Variants in GNB5 observed in about 807,000 individuals in gnomAD.
GNB5 encodes G protein subunit beta 5, also known as guanine nucleotide-binding protein subunit beta-5.
A neutral mutation model predicts 55.3 loss-of-function variants in GNB5; 37 were observed. The ratio of observed to expected loss-of-function variants is 0.67; its 90% CI spans 0.51 to 0.88. The LOEUF (loss-of-function observed/expected upper bound fraction) is 0.88, where lower values mean the gene tolerates loss of function less well. Among genes scored for constraint, GNB5 ranks in the 40% least tolerant of loss-of-function variants. The pLI, the probability that GNB5 is intolerant of heterozygous loss-of-function variation, is 0.00. For synonymous variants in GNB5, 219 were observed against 198.5 expected, an observed-to-expected ratio of 1.10 and a Z score of -0.87; for missense variants, 476 against 515.3, an observed-to-expected ratio of 0.92 and a Z score of 0.74.
chr15:52,149,757 G>A lies in GNB5; in HGVS notation c.417+127C>T, dbSNP rs554152287. The A allele has an allele frequency of 5.3e-4, 397 of 747,954 alleles. 3 individuals carry two copies. The highest frequency in any genetic ancestry group is 2.7e-3 in the South Asian group (186 of 68,604). 46.3% of individuals were successfully genotyped at this position (747,954 alleles called of 1,614,324 possible). On this transcript the variant is annotated intron_variant, in intron 5 of 12. Coordinates refer to ENST00000261837, the MANE Select transcript of GNB5 (RefSeq NM_016194.4). The stretch of plus-strand genomic sequence containing the variant: ...ATAGGCCTTCTTGGGGTTTCCATCC[G>A]TAGAGGCAACTGCTTGCAGGGATAC...
chr15:52,185,753 TTTATTATTATTATTATTATTA>T (rs9302164), intron 1 of GNB5, among the ~76,000 whole-genome samples: 3 of 136,724 alleles, frequency 2.2e-5, no homozygotes, highest in African/African-American at 8.1e-5. Flanking sequence ...TATTCATCTT[TTTATTATTATTATTATTATTA>T]TTATTATTAT....
At chr15:52,174,757 G>A (rs2034618356) in intron 3 of GNB5, among the ~76,000 whole-genome samples, 1 of 152,122 alleles carries the variant, frequency 6.6e-6, no homozygotes, top group Non-Finnish European at 1.5e-5. Flanking sequence ...GGGCCGCAGG[G>A]TCTCCTGGGG....
chr15:52,179,668 C>T, intron 3 of GNB5, 100 bp downstream of exon 3: 1 of 680,940 alleles, frequency 1.5e-6, no homozygotes, highest in Non-Finnish European at 2.0e-6. Context: ...GGGCCTGGCT[C>T]CCGTCGCAGC....
chr15:52,163,731 C>T (rs1280354718), intron 3 of GNB5, among the ~76,000 whole-genome samples: 3 of 152,214 alleles, frequency 2.0e-5, no homozygotes, highest in East Asian at 3.9e-4. Flanking sequence ...AGGGGGCAGC[C>T]AGACTGCTTC....
intron 7 of GNB5, among the ~76,000 whole-genome samples, chr15:52,140,466 C>A (rs2033827324): frequency 6.6e-6 from 1 of 152,222 alleles, no homozygotes; most frequent in Non-Finnish European, 1.5e-5. Context: ...CTGCTCGGAG[C>A]TCCCCAGTTC....
At chr15:52,158,119 C>G (rs111252278) in intron 3 of GNB5, among the ~76,000 whole-genome samples, 2 of 152,002 alleles carry the variant, frequency 1.3e-5, no homozygotes, top group Non-Finnish European at 2.9e-5. Flanking sequence ...TCTAGGAAGA[C>G]AGGAGTGCTG....
chr15:52,128,351 G>T, intron 9 of GNB5, 107 bp from the exon 10 acceptor site: 1 of 760,354 alleles, frequency 1.3e-6, no homozygotes. Flanking sequence ...AGGGACTCAA[G>T]GAACATTTGC....
At chr15:52,174,377 AG>A (rs1347076762) in intron 3 of GNB5, among the ~76,000 whole-genome samples, 1 of 152,204 alleles carries the variant, frequency 6.6e-6, no homozygotes, top group East Asian at 1.9e-4. Context: ...GAATCAAGCG[AG>A]GTAGTACTCG....
intron 3 of GNB5, among the ~76,000 whole-genome samples, chr15:52,173,153 A>G (rs1427453342): frequency 1.3e-5 from 2 of 152,236 alleles, no homozygotes; most frequent in Admixed American, 6.5e-5. Context: ...CCAATCATCA[A>G]TCAGTCAACA....
intron 1 of GNB5, among the ~76,000 whole-genome samples, chr15:52,185,928 G>A (rs1023907929): frequency 6.6e-6 from 1 of 152,006 alleles, no homozygotes; most frequent in Non-Finnish European, 1.5e-5. Context: ...ACAGGCATAA[G>A]ACACCATGCC....
chr15:52,177,104 G>T (rs113516304), intron 3 of GNB5, among the ~76,000 whole-genome samples: 2 of 140,932 alleles, frequency 1.4e-5, no homozygotes, highest in Non-Finnish European at 3.0e-5. Flanking sequence ...GCAAGATCTC[G>T]GCTCACTGCA....
Position 52,117,102 on chromosome 15 carries a change from A to ATATATATATATATATTTTTTT in GNB5, c.*5654_*5655insAAAAAAATATATATATATATA. 2.3e-5 allele frequency: 2 copies of ATATATATATATATATTTTTTT among 87,102 alleles called. No individual in the cohort carries two copies. The highest frequency in any genetic ancestry group is 1.2e-4 in the African/African-American group (2 of 16,420). 5.4% of individuals were successfully genotyped at this position (87,102 alleles called of 1,614,324 possible). A position where few individuals can be genotyped will look rare whatever the true frequency, so the allele number is the denominator to read the frequency against. ...CCACGCCCAGCTAATATATATATAT[A>ATATATATATATATATTTTTTT]TTTTTTTTTAGTACAGACAGGGTTT... On this transcript the variant is annotated 3_prime_UTR_variant, in exon 13 of 13. Transcript: ENST00000261837.
Position 52,119,903 on chromosome 15 carries a change from T to C in GNB5, c.*2854A>G, listed in dbSNP as rs1327146334. 6.6e-6 allele frequency: 1 copy of C among 152,142 alleles called. No individual in the cohort carries two copies. The highest frequency in any genetic ancestry group is 1.5e-5 in the Non-Finnish European group (1 of 68,034). The allele number at this position is 152,142 out of a possible 1,614,324, so 9.4% of individuals were successfully genotyped here. A position where few individuals can be genotyped will look rare whatever the true frequency, so the allele number is the denominator to read the frequency against. On this transcript the variant is annotated 3_prime_UTR_variant, in exon 13 of 13. Coordinates refer to ENST00000261837, the MANE Select transcript of GNB5 (RefSeq NM_016194.4). ...ACCCTGTGCTGTTTTAAGCCACTTA[T>C]AACCTAGAGAAGGGTGCAAAGGAGG... is the stretch of plus-strand genomic sequence containing the variant.
At chr15:52,157,614 A>G (rs17540734) in intron 3 of GNB5, among the ~76,000 whole-genome samples, 3,511 of 152,188 alleles carry the variant, frequency 0.023, 62 homozygotes, top group Middle Eastern at 0.051. Context: ...TTTTACTTAG[A>G]AATTTTACAT....
chr15:52,178,713 C>T (rs1219161378), intron 3 of GNB5, among the ~76,000 whole-genome samples: 3 of 152,192 alleles, frequency 2.0e-5, no homozygotes, highest in Non-Finnish European at 4.4e-5. Context: ...CCTAGGAAAG[C>T]ACAGCACACG....
At chr15:52,175,768 C>T (rs989112638) in intron 3 of GNB5, among the ~76,000 whole-genome samples, 2 of 99,414 alleles carry the variant, frequency 2.0e-5, no homozygotes, top group Non-Finnish European at 4.5e-5. Flanking sequence ...AAACAAAAAA[C>T]GGCCAGGCGC....
chr15:52,163,545 C>T (rs1418204174), intron 3 of GNB5, among the ~76,000 whole-genome samples: 2 of 152,340 alleles, frequency 1.3e-5, no homozygotes, highest in Non-Finnish European at 2.9e-5. Context: ...CCATCCTGGC[C>T]TGCCAGCTCC....
chr15:52,135,156 C>T (rs1428007792), intron 8 of GNB5, among the ~76,000 whole-genome samples: 1 of 151,908 alleles, frequency 6.6e-6, no homozygotes, highest in African/African-American at 2.4e-5. Flanking sequence ...AGGAGAGTGC[C>T]CCACAGGCCT....
At chr15:52,128,270 C>T (rs780830470) in intron 9 of GNB5, 26 bp from the exon 10 acceptor site, 36 of 1,531,666 alleles carry the variant, frequency 2.4e-5, no homozygotes, top group East Asian at 2.0e-4. Flanking sequence ...ACTTTATCTA[C>T]GGTTGTGACT....
Sources: gnomAD v4.1 joint callset for allele counts (sites outside exome capture counted in the v4.1 genomes callset) on GRCh38, gnomAD v4.1.1 for gene constraint, MANE v1.5 for transcripts, NCBI Gene and HGNC (gene_info 2026-07-23, HGNC 2026-07-21) for gene names.